RANBP2: variants seen among roughly 807,000 people sequenced by gnomAD.
RANBP2 encodes E3 SUMO-protein ligase RanBP2.
RANBP2 carries 57 observed loss-of-function variants against 303.6 expected under a neutral mutation model. That is an observed-to-expected ratio of 0.19 (90% CI 0.15 to 0.23). The LOEUF is 0.23. RANBP2 is among the 10% of genes least tolerant of loss of function. The pLI is 1.00. For missense variants in RANBP2, 3,138 were observed against 3,780.8 expected (o/e 0.83, Z 4.46); for synonymous variants, 1,167 against 1,301.5 (o/e 0.90, Z 2.23).
the RANBP2 span, among the ~76,000 whole-genome samples, chr2:108,879,536 T>C: frequency 1.2e-3 from 176 of 152,170 alleles, 1 homozygote; most frequent in African/African-American, 4.1e-3. Flanking sequence ...GACAGAAACA[T>C]TAATCCATGA....
the RANBP2 span, among the ~76,000 whole-genome samples, chr2:109,334,096 C>T: frequency 1.3e-5 from 2 of 152,134 alleles, no homozygotes; most frequent in Non-Finnish European, 2.9e-5. Flanking sequence ...CAGAGGCTCA[C>T]GCCTATAATC....
At chr2:108,742,003 T>C (rs1467407732) in intron 7 of RANBP2, among the ~76,000 whole-genome samples, 2 of 151,938 alleles carry the variant, frequency 1.3e-5, no homozygotes, top group Admixed American at 6.6e-5. Context: ...TATAAATCTT[T>C]TTTTCTTTTT....
the RANBP2 span, among the ~76,000 whole-genome samples, chr2:109,021,076 C>G: frequency 6.6e-6 from 1 of 152,176 alleles, no homozygotes; most frequent in Admixed American, 6.5e-5. Flanking sequence ...AGGGGCAGAA[C>G]TGGGGGTCGG....
the RANBP2 span, among the ~76,000 whole-genome samples, chr2:109,743,136 T>C: frequency 6.8e-6 from 1 of 147,628 alleles, no homozygotes; most frequent in African/African-American, 2.6e-5. Flanking sequence ...CTGAGTGTGG[T>C]GGCTAGTGCC....
At chr2:109,588,144 T>C in the RANBP2 span, among the ~76,000 whole-genome samples, 2 of 148,308 alleles carry the variant, frequency 1.3e-5, no homozygotes, top group Non-Finnish European at 3.0e-5. Flanking sequence ...CTACAGCCAA[T>C]GAAAACATCC....
the RANBP2 span, among the ~76,000 whole-genome samples, chr2:109,734,836 G>A: frequency 3.9e-5 from 6 of 152,200 alleles, no homozygotes; most frequent in African/African-American, 9.6e-5. Flanking sequence ...AAGGTCTCAT[G>A]TATATGGTCA....
the RANBP2 span, chr2:109,545,289 G>A: frequency 7.0e-7 from 1 of 1,427,488 alleles, no homozygotes. Flanking sequence ...TTAAGTGGGA[G>A]AAATAAAACA....
At chr2:108,846,940 C>A in the RANBP2 span, 2 of 1,428,944 alleles carry the variant, frequency 1.4e-6, no homozygotes, top group Non-Finnish European at 2.0e-6. Flanking sequence ...GGTAAGCTTT[C>A]AATTGTACTT....
At chr2:108,749,176 A>G (rs759115189) in intron 9 of RANBP2, 47 bp downstream of exon 9, 21 of 1,611,230 alleles carry the variant, frequency 1.3e-5, no homozygotes, top group Non-Finnish European at 1.7e-5. Context: ...TAATTCTTAT[A>G]AATTGCCCAT....
At chr2:108,829,336 A>G in the RANBP2 span, among the ~76,000 whole-genome samples, 14 of 152,238 alleles carry the variant, frequency 9.2e-5, no homozygotes. Context: ...GAACCTAAAT[A>G]GCTATTTCTC....
chr2:109,714,633 A>G, the RANBP2 span, among the ~76,000 whole-genome samples: 1 of 146,380 alleles, frequency 6.8e-6, no homozygotes, highest in Non-Finnish European at 1.5e-5. Context: ...TTTTTTTGAG[A>G]CAAGGTCTCT....
At chr2:109,330,857 C>A in the RANBP2 span, among the ~76,000 whole-genome samples, 1 of 152,274 alleles carries the variant, frequency 6.6e-6, no homozygotes, top group Middle Eastern at 3.4e-3. Context: ...AAGCAGGATC[C>A]CTCTTAAGGG....
chr2:109,180,361 C>T, the RANBP2 span, among the ~76,000 whole-genome samples: 1 of 152,110 alleles, frequency 6.6e-6, no homozygotes, highest in African/African-American at 2.4e-5. Flanking sequence ...CAAAAGGGAC[C>T]ATCTCATTGG....
At chr2:108,998,898 G>T in the RANBP2 span, among the ~76,000 whole-genome samples, 2 of 152,320 alleles carry the variant, frequency 1.3e-5, no homozygotes, top group East Asian at 3.9e-4. Context: ...AGCTGGGCCC[G>T]TGCCTCCTCC....
chr2:109,598,098 C>A, the RANBP2 span, among the ~76,000 whole-genome samples: 1 of 151,970 alleles, frequency 6.6e-6, no homozygotes, highest in Non-Finnish European at 1.5e-5. Flanking sequence ...GTCTTGCTCT[C>A]GTTGCCCAGG....
the RANBP2 span, among the ~76,000 whole-genome samples, chr2:108,994,979 G>A: frequency 6.1e-4 from 92 of 151,508 alleles, no homozygotes; most frequent in African/African-American, 1.9e-3. Context: ...ACAGGCGCCC[G>A]CCACCACGCC....
chr2:109,370,233 C>CTCTGTCTCTG, the RANBP2 span, among the ~76,000 whole-genome samples: 2 of 114,878 alleles, frequency 1.7e-5, no homozygotes, highest in Admixed American at 1.1e-4. Context: ...CTCTGTCTCT[C>CTCTGTCTCTG]TCTCTCTTTT....
chr2:109,547,619 TTTTAA>T, the RANBP2 span, among the ~76,000 whole-genome samples: 2 of 152,148 alleles, frequency 1.3e-5, no homozygotes, highest in Non-Finnish European at 2.9e-5. Flanking sequence ...GGGGCAGGCC[TTTTAA>T]TTTATTTTGT....
At chr2:109,125,909 G>T in the RANBP2 span, among the ~76,000 whole-genome samples, 1 of 152,218 alleles carries the variant, frequency 6.6e-6, no homozygotes, top group African/African-American at 2.4e-5. Flanking sequence ...GCGGTCTGTA[G>T]GCCAATTTGA....
Sources: allele counts gnomAD v4.1 joint callset (sites outside exome capture counted in the v4.1 genomes callset), GRCh38; gene constraint gnomAD v4.1.1; transcripts MANE v1.5; gene names NCBI Gene and HGNC (gene_info 2026-07-23, HGNC 2026-07-21).